The following NSD3 variants were observed in gnomAD, a reference collection of about 807,000 sequenced individuals.
NSD3 encodes the protein nuclear receptor binding SET domain protein 3, also known as histone-lysine N-methyltransferase NSD3.
In NSD3, 24 loss-of-function variants were observed where a neutral mutation model predicts 160.8. The observed-to-expected ratio is 0.15, with a 90% CI of 0.11 to 0.21. The LOEUF (loss-of-function observed/expected upper bound fraction) is 0.21. Among genes scored for constraint, NSD3 ranks in the 10% least tolerant of loss-of-function variants. The pLI, the probability that NSD3 is intolerant of heterozygous loss-of-function variation, is 1.00. For missense variants in NSD3, 1,157 were observed against 1,735.9 expected (o/e 0.67, Z 5.93); for synonymous variants, 520 against 600.0 (o/e 0.87, Z 1.95).
In NSD3 at chr8:38,329,632, A is replaced by T; in HGVS notation, c.1327T>A (p.Ser443Thr). The T allele has an allele frequency of 6.2e-7, 1 of 1,614,206 alleles. No homozygotes were observed. Among genetic ancestry groups the T allele is most frequent in the Non-Finnish European group, 8.5e-7 (1 of 1,180,034 alleles). ...TNAGEVASSL[S>T]STEIRRHSQR... ...CTATGTCTCCGAATTTCAGTACTTG[A>T]GAGTGAGGAGGCCACCTCCCCTGCA... Residue 443 changes from serine (S) to threonine (T), a missense_variant, in exon 6 of 24, where the codon TCA becomes ACA. Physicochemically the swap from Ser to Thr is moderately conservative, Grantham distance 58. Around this residue, in one of 10 missense-constraint regions of NSD3, gnomAD observed 168 missense variants for 208.1 expected, o/e 0.81. Transcript: ENST00000317025. The surrounding 1 kb of genome is among the most constrained non-coding windows in gnomAD (Gnocchi z 4.8).
rs958960729 is a variant in NSD3 at position 38,273,401 on chromosome 8, G to A, written c.*2240C>T. The A allele has an allele frequency of 3.9e-5, 6 of 152,110 alleles. No individual in the cohort carries two copies. Among genetic ancestry groups the A allele is most frequent in the African/African-American group, 1.2e-4 (5 of 41,418 alleles). 9.4% of individuals were successfully genotyped at this position (152,110 alleles called of 1,614,324 possible). A position where few individuals can be genotyped will look rare whatever the true frequency, so the allele number is the denominator to read the frequency against. ...TCTGTTACAGATATGAAAACAAAAT[G>A]TGACACAATGAAGAAGCTGCATAAA... is the stretch of plus-strand genomic sequence containing the variant. On this transcript the variant is annotated 3_prime_UTR_variant, in exon 24 of 24. Transcript: ENST00000317025.
chr8:38,321,052 T>C lies in NSD3; in HGVS notation c.1809+20A>G. On this transcript the variant is annotated intron_variant, in intron 8 of 23. Transcript: ENST00000317025. The surrounding 1 kb of genome is among the most constrained non-coding windows in gnomAD (Gnocchi z 4.7). The stretch of plus-strand genomic sequence containing the variant: ...ATTTACAAATACAATGTTTTAACTC[T>C]CTACATGTAGGAAGCCAACCTGCTC... The C allele has an allele frequency of 6.2e-7, 1 of 1,604,136 alleles. No individual in the cohort carries two copies. The highest frequency in any genetic ancestry group is 8.5e-7 in the Non-Finnish European group (1 of 1,172,470).
chr8:38,301,919 C>G (rs958713035), intron 14 of NSD3, among the ~76,000 whole-genome samples: 1 of 152,116 alleles, frequency 6.6e-6, no homozygotes, highest in African/African-American at 2.4e-5. Flanking sequence ...ATTACCATTA[C>G]AAAGAAAGGC....
chr8:38,330,113 C>T (rs978461306), intron 5 of NSD3, among the ~76,000 whole-genome samples: 3 of 152,190 alleles, frequency 2.0e-5, no homozygotes, highest in Non-Finnish European at 4.4e-5. Context: ...TTGCTGATCA[C>T]TCTGCTGGAC....
intron 1 of NSD3, among the ~76,000 whole-genome samples, chr8:38,372,020 T>C (rs540494848): frequency 2.0e-5 from 3 of 152,314 alleles, no homozygotes; most frequent in Admixed American, 2.0e-4. Context: ...ACTCAAGAAG[T>C]ACCAAGGATG....
rs747439153 is a variant in NSD3 at position 38,337,330 on chromosome 8, C to T, written c.885G>A (p.Glu295=). Residue 295 remains glutamate (E), a synonymous_variant, in exon 4 of 24, where the codon GAG becomes GAA. Transcript: ENST00000317025. ...PCMVSSDPQL[E]VHTKINTRGA... ...CTCTTGTGTTAATTTTAGTATGAAC[C>T]TCAAGCTGGGGATCACTTGAAACCA... The T allele has an allele frequency of 1.0e-5, 16 of 1,606,978 alleles. No individual in the cohort carries two copies. In the South Asian group the frequency reaches 1.6e-4, roughly 16 times the overall value.
At chr8:38,280,001 T>C (rs1312680516) in intron 20 of NSD3, 2 of 205,316 alleles carry the variant, frequency 9.7e-6, no homozygotes, top group Non-Finnish European at 2.0e-5. Context: ...ATTAGAGATC[T>C]CAAAGTTCTG....
In NSD3 at chr8:38,333,906, C is replaced by T. The variant is rs150147175; in HGVS notation, c.911-2321G>A. 6.6e-5 allele frequency among the ~76,000 whole-genome samples: 10 copies of T among 152,222 alleles called. No individual in the cohort carries two copies. In the East Asian group the frequency reaches 1.9e-3, roughly 29 times the overall value. Reference sequence around the variant, plus strand: ...AGAAAAAAAAAATACTGACTAATAACAATATGGAAACCAGTGATTACTATA... The same window carrying T: ...AGAAAAAAAAAATACTGACTAATAATAATATGGAAACCAGTGATTACTATA... On this transcript the variant is annotated intron_variant, in intron 4 of 23. Coordinates refer to ENST00000317025, the MANE Select transcript of NSD3 (RefSeq NM_023034.2).
At chr8:38,314,977 G>A (rs888533102) in intron 11 of NSD3, among the ~76,000 whole-genome samples, 1 of 152,222 alleles carries the variant, frequency 6.6e-6, no homozygotes, top group Non-Finnish European at 1.5e-5. Flanking sequence ...TTGAGAACCA[G>A]AGAACTAGAC....
At chr8:38,278,446 A>C (rs1808663721) in intron 21 of NSD3, 34 bp from the exon 22 acceptor site, 2 of 1,555,752 alleles carry the variant, frequency 1.3e-6, no homozygotes, top group Non-Finnish European at 8.7e-7. Context: ...TTCAAACTCG[A>C]GTCATGGGGA....
At chr8:38,376,930 T>A (rs990019595) in intron 1 of NSD3, among the ~76,000 whole-genome samples, 1 of 152,192 alleles carries the variant, frequency 6.6e-6, no homozygotes, top group African/African-American at 2.4e-5. Flanking sequence ...TATTTACTTA[T>A]AATAGCAAAA....
In NSD3 at chr8:38,274,436, A is replaced by C. The variant is rs1436770739; in HGVS notation, c.*1205T>G. On this transcript the variant is annotated 3_prime_UTR_variant, in exon 24 of 24. Transcript: ENST00000317025. Reference sequence around the variant, plus strand: ...CTCTTATGCACCCTGTAAAAGTAGAAGTTCTTCCCCTTACTCAATGGGAGC... The same window carrying C: ...CTCTTATGCACCCTGTAAAAGTAGACGTTCTTCCCCTTACTCAATGGGAGC... The C allele has an allele frequency of 6.6e-6, 1 of 152,210 alleles. No individual in the cohort carries two copies. Among genetic ancestry groups the C allele is most frequent in the Non-Finnish European group, 1.5e-5 (1 of 68,042 alleles). 9.4% of individuals were successfully genotyped at this position (152,210 alleles called of 1,614,324 possible).
intron 16 of NSD3, 64 bp downstream of exon 16, chr8:38,295,732 C>T (rs1379278969): frequency 1.4e-6 from 2 of 1,467,584 alleles, no homozygotes; most frequent in African/African-American, 1.4e-5. Context: ...CACTCTGTAT[C>T]CAGAGTATGA....
chr8:38,277,262 G>A (rs72644720), intron 22 of NSD3, among the ~76,000 whole-genome samples: 2 of 151,800 alleles, frequency 1.3e-5, no homozygotes, highest in Non-Finnish European at 2.9e-5. Context: ...TTTGAATAGG[G>A]TGCTTTTTAT....
chr8:38,274,132 G>GT lies in NSD3; in HGVS notation c.*1508dup, dbSNP rs1286732949. 2.6e-5 allele frequency: 4 copies of GT among 152,306 alleles called. No homozygotes were observed. Among genetic ancestry groups the GT allele is most frequent in the South Asian group, 2.1e-4 (1 of 4,830 alleles). The allele number at this position is 152,306 out of a possible 1,614,324, so 9.4% of individuals were successfully genotyped here. A position where few individuals can be genotyped will look rare whatever the true frequency, so the allele number is the denominator to read the frequency against. On this transcript the variant is annotated 3_prime_UTR_variant, in exon 24 of 24. Transcript: ENST00000317025. ...TACCAGGTACCAGCAATTGTAAGCA[G>GT]TCAAAATTCACAGAGAAAGTTAACA...
intron 1 of NSD3, among the ~76,000 whole-genome samples, chr8:38,378,279 G>A (rs1482808772): frequency 6.6e-6 from 1 of 152,092 alleles, no homozygotes; most frequent in Non-Finnish European, 1.5e-5. Context: ...GCCAAGGTGG[G>A]CAGATCACGA....
At position 38,295,868 on chromosome 8, in the gene NSD3, T is replaced by G; in HGVS notation, c.2843A>C (p.Asn948Thr). The G allele has an allele frequency of 6.2e-7, 1 of 1,614,150 alleles. No homozygotes were observed. Among genetic ancestry groups the G allele is most frequent in the Non-Finnish European group, 8.5e-7 (1 of 1,180,028 alleles). ...LSIEMPEGCW[N>T]CNDCKAGKKL... ...CTTGCCAGCTTTACAGTCATTACAATTCCAGCAGCCTTCTGGCATTTCTAT... is the reference window on the plus strand; with the variant it reads ...CTTGCCAGCTTTACAGTCATTACAAGTCCAGCAGCCTTCTGGCATTTCTAT... The change falls in exon 16 of 24, where the codon AAT becomes ACT. Residue 948 changes from asparagine (N) to threonine (T), a missense_variant. Physicochemically the swap from Asn to Thr is moderately conservative, Grantham distance 65. Around this residue, in one of 10 missense-constraint regions of NSD3, gnomAD observed 437 missense variants for 576.6 expected, o/e 0.76. Transcript: ENST00000317025.
chr8:38,367,370 G>C (rs757581858), intron 1 of NSD3, among the ~76,000 whole-genome samples: 1 of 152,044 alleles, frequency 6.6e-6, no homozygotes, highest in Non-Finnish European at 1.5e-5. Flanking sequence ...ATAAGTGTAG[G>C]GCTTGAGTTT....
intron 12 of NSD3, among the ~76,000 whole-genome samples, chr8:38,306,976 G>A (rs1357920741): frequency 6.6e-6 from 1 of 151,716 alleles, no homozygotes; most frequent in Non-Finnish European, 1.5e-5. Flanking sequence ...TTAGCCGGGT[G>A]TGGTGGCGGG....
Sources: allele counts gnomAD v4.1 joint callset (sites outside exome capture counted in the v4.1 genomes callset), GRCh38; gene constraint gnomAD v4.1.1; regional missense constraint gnomAD v4.1.1; non-coding constraint Gnocchi (gnomAD v3.1); transcripts MANE v1.5; gene names NCBI Gene and HGNC (gene_info 2026-07-23, HGNC 2026-07-21).